CELF3: variants seen among roughly 807,000 people sequenced by gnomAD.
The protein encoded by CELF3 is CUGBP Elav-like family member 3, also known as CAG repeat domain.
Under a neutral mutation model 59.6 loss-of-function variants are expected in CELF3, and 26 were observed. The ratio of observed to expected loss-of-function variants is 0.44; its 90% CI spans 0.32 to 0.61. CELF3 has a LOEUF of 0.61. Among genes scored for constraint, CELF3 ranks in the 20% least tolerant of loss-of-function variants. CELF3 has a pLI of 0.06. For missense variants in CELF3, 387 were observed against 627.2 expected (o/e 0.62, Z 4.09); for synonymous variants, 245 against 250.7 (o/e 0.98, Z 0.22).
At position 151,707,491 on chromosome 1, in the gene CELF3, C is replaced by T. The variant is rs1468232670; in HGVS notation, c.772+16G>A. On this transcript the variant is annotated intron_variant, in intron 7 of 12. Transcript: ENST00000290583. ...ACCATGCTTAGCTCCCTTGCCCGGC[C>T]TTGCCCAGGCCATACCTGAGGATGG... 6.2e-7 allele frequency: 1 copy of T among 1,610,184 alleles called. No individual in the cohort carries two copies. The highest frequency in any genetic ancestry group is 8.5e-7 in the Non-Finnish European group (1 of 1,179,146).
chr1:151,703,095 C>T lies in CELF3; in HGVS notation c.*364G>A, dbSNP rs998315223. On this transcript the variant is annotated 3_prime_UTR_variant, in exon 13 of 13. Coordinates refer to ENST00000290583, the MANE Select transcript of CELF3 (RefSeq NM_007185.7). ...CCCTGCGGCTCTCCTGGGGCCTGCACGGGTAGAACAGGCCCACTGTTGGGG... is the reference window on the plus strand; with the variant it reads ...CCCTGCGGCTCTCCTGGGGCCTGCATGGGTAGAACAGGCCCACTGTTGGGG... 1.5e-5 allele frequency: 7 copies of T among 452,192 alleles called. No homozygotes were observed. The highest frequency in any genetic ancestry group is 2.4e-5 in the Admixed American group (1 of 42,298). The allele number at this position is 452,192 out of a possible 1,614,324, so 28.0% of individuals were successfully genotyped here.
Position 151,705,353 on chromosome 1 carries a change from C to T in CELF3, c.1271-185G>A, listed in dbSNP as rs1477863004. On this transcript the variant is annotated intron_variant, in intron 11 of 12. Coordinates refer to ENST00000290583, the MANE Select transcript of CELF3 (RefSeq NM_007185.7). The surrounding 1 kb of genome is among the most constrained non-coding windows in gnomAD (Gnocchi z 5.1). Reference sequence around the variant, plus strand: ...AATGGATGAATCCAGTCCAGCCACTCCAACTACCACATTCTTCCCAGCATT... The same window carrying T: ...AATGGATGAATCCAGTCCAGCCACTTCAACTACCACATTCTTCCCAGCATT... Among the ~76,000 whole-genome samples, 6 of 152,230 alleles carry T rather than the reference C, an allele frequency of 3.9e-5. No homozygotes were observed. The East Asian group carries it at 1.2e-3, about 29-fold the overall frequency.
At chr1:151,703,757 A>G (rs904050662) in intron 12 of CELF3, among the ~76,000 whole-genome samples, 2 of 151,958 alleles carry the variant, frequency 1.3e-5, no homozygotes, top group Non-Finnish European at 2.9e-5. Context: ...ATGACAACAG[A>G]CAGGCAGGCA....
intron 12 of CELF3, 130 bp downstream of exon 12, chr1:151,704,901 C>A: frequency 1.0e-6 from 1 of 999,584 alleles, no homozygotes; most frequent in Admixed American, 2.4e-5. Context: ...GCTTCAAGTG[C>A]CCAGGGTCAA....
rs1672852875 is a variant in CELF3, at chr1:151,709,657, C to T, written c.277+86G>A. The T allele has an allele frequency of 7.4e-7, 1 of 1,350,976 alleles. No individual in the cohort carries two copies. Among genetic ancestry groups the T allele is most frequent in the South Asian group, 1.2e-5 (1 of 85,778 alleles). 83.7% of individuals were successfully genotyped at this position (1,350,976 alleles called of 1,614,324 possible). ...TCTTCAGAATCATCAGGCTTTCTCC[C>T]TCAAGAAAGGCTACCCCTCGACAAC... is the stretch of plus-strand genomic sequence containing the variant. On this transcript the variant is annotated intron_variant, in intron 3 of 12. Transcript: ENST00000290583. The surrounding 1 kb of genome is among the most constrained non-coding windows in gnomAD (Gnocchi z 4.9).
rs1485889398 is a variant in CELF3 at position 151,714,576 on chromosome 1, G to A, written c.228+18C>T. The A allele has an allele frequency of 1.9e-6, 3 of 1,547,662 alleles. No homozygotes were observed. The highest frequency in any genetic ancestry group is 2.6e-6 in the Non-Finnish European group (3 of 1,143,046). On this transcript the variant is annotated intron_variant, in intron 2 of 12. Coordinates refer to ENST00000290583, the MANE Select transcript of CELF3 (RefSeq NM_007185.7). ...TGGCCCTTCTCAGTCCCCTGGCCCT[G>A]CAAAGGGCAGGACTCACCCCTGGAA...
chr1:151,715,529 C>A (rs971875630), intron 1 of CELF3: 1 of 1,009,970 alleles, frequency 9.9e-7, no homozygotes, highest in East Asian at 5.3e-5. Context: ...CACGCACACA[C>A]ACACACACCC....
At position 151,700,818 on chromosome 1, in the gene CELF3, T is replaced by C. The variant is rs1385935181; in HGVS notation, c.*2641A>G. Among the ~76,000 whole-genome samples the C allele has an allele frequency of 1.3e-5, 2 of 152,252 alleles. No homozygotes were observed. Among genetic ancestry groups the C allele is most frequent in the African/African-American group, 4.8e-5 (2 of 41,464 alleles). ...TATGTGACTAGAAAATAGAAATATATGAGTCAGGACTTTATGGGAGAAAGT... is the reference window on the plus strand; with the variant it reads ...TATGTGACTAGAAAATAGAAATATACGAGTCAGGACTTTATGGGAGAAAGT... On this transcript the variant is annotated 3_prime_UTR_variant, in exon 13 of 13. Coordinates refer to ENST00000290583, the MANE Select transcript of CELF3 (RefSeq NM_007185.7).
In CELF3 at chr1:151,709,251, A is replaced by G; in HGVS notation, c.375T>C (p.Thr125=). ...TGGTGCCATCTGGCCCCCGGAGCAC[A>G]GTGCACTCGTCGATGGTCCCGAAGG... The part of the protein sequence containing the change: ...FEPFGTIDEC[T]VLRGPDGTSK... The change falls in exon 4 of 13, where the codon ACT becomes ACC. Residue 125 remains threonine, a synonymous_variant. Coordinates refer to ENST00000290583, the MANE Select transcript of CELF3 (RefSeq NM_007185.7). This position sits in a 1 kb window ranked among gnomAD's most constrained non-coding sequence, Gnocchi z 4.9. 1 of 1,614,028 alleles carries G rather than the reference A, an allele frequency of 6.2e-7. No homozygotes were observed. The highest frequency in any genetic ancestry group is 8.5e-7 in the Non-Finnish European group (1 of 1,179,952).
rs747941563 is a variant in CELF3, at chr1:151,707,830, C to T, written c.592G>A (p.Ala198Thr). ...GCGCTGTAGGCTCCAAACTGGAGGG[C>T]GATGGGGCTGAACATGCCCAACTGG... ...ATQLGMFSPIALQFGAYSAYT... is the reference protein window; with the variant it reads ...ATQLGMFSPITLQFGAYSAYT... The change falls in exon 6 of 13, where the codon GCC becomes ACC. Residue 198 changes from alanine to threonine, a missense_variant. Transcript: ENST00000290583. 17 of 1,613,706 alleles carry T rather than the reference C, an allele frequency of 1.1e-5. No homozygotes were observed. Among genetic ancestry groups the T allele is most frequent in the Admixed American group, 1.7e-5 (1 of 59,970 alleles).
At chr1:151,703,471 G>GA (rs981659035) in intron 12 of CELF3, 23 bp from the exon 13 acceptor site, 1 of 334,698 alleles carries the variant, frequency 3.0e-6, no homozygotes, top group African/African-American at 2.2e-5. Context: ...AAACATGGGT[G>GA]AAGCATGGGG....
Position 151,709,186 on chromosome 1 carries a change from G to A in CELF3, c.406+34C>T, listed in dbSNP as rs376069256. 1 of 1,610,768 alleles carries A rather than the reference G, an allele frequency of 6.2e-7. No homozygotes were observed. The highest frequency in any genetic ancestry group is 1.3e-5 in the African/African-American group (1 of 74,868). On this transcript the variant is annotated intron_variant, in intron 4 of 12. Coordinates refer to ENST00000290583, the MANE Select transcript of CELF3 (RefSeq NM_007185.7). The surrounding 1 kb of genome is among the most constrained non-coding windows in gnomAD (Gnocchi z 4.9). ...TTGGGGGTGGAACAGGAAGGGGAAGGGCCCGGTGGGGAAGGGGGAAGTGGG... is the reference window on the plus strand; with the variant it reads ...TTGGGGGTGGAACAGGAAGGGGAAGAGCCCGGTGGGGAAGGGGGAAGTGGG...
intron 10 of CELF3, 115 bp from the exon 11 acceptor site, chr1:151,706,080 C>T: frequency 8.2e-6 from 13 of 1,589,252 alleles, no homozygotes; most frequent in Non-Finnish European, 1.0e-5. Flanking sequence ...CAGTCCTTGA[C>T]AGTGTGGGCC....
chr1:151,708,118 T>G, intron 5 of CELF3, 183 bp from the exon 6 acceptor site: 1 of 600,140 alleles, frequency 1.7e-6, no homozygotes, highest in Admixed American at 3.3e-5. Flanking sequence ...TGCTAGGATG[T>G]GCAAGAGGCT....
At chr1:151,712,533 G>C (rs559395352) in intron 2 of CELF3, among the ~76,000 whole-genome samples, 10 of 152,326 alleles carry the variant, frequency 6.6e-5, no homozygotes, top group African/African-American at 2.4e-4. Context: ...TTTTGGTTCA[G>C]GGTGAAGGGG....
chr1:151,704,716 A>G (rs1672364116), intron 12 of CELF3, among the ~76,000 whole-genome samples: 1 of 152,196 alleles, frequency 6.6e-6, no homozygotes. Context: ...ACAGACATGG[A>G]CACTGACCAG....
At chr1:151,715,294 A>C (rs1673385113) in intron 1 of CELF3, among the ~76,000 whole-genome samples, 1 of 151,534 alleles carries the variant, frequency 6.6e-6, no homozygotes, top group Non-Finnish European at 1.5e-5. Flanking sequence ...AGGCCTGAGG[A>C]GCACCCTCCC....
rs751985480 is a variant in CELF3, at chr1:151,715,889, G to A, written c.132C>T (p.Thr44=). ...CCGACCCCTCACCCTTGTGCAGCCC[G>A]GTGTACTTGTCCTTGATGACAGTCA... The part of the protein sequence containing the change: ...FELTVIKDKY[T]GLHKGCAFLT... The change falls in exon 1 of 13, where the codon ACC becomes ACT. Residue 44 remains threonine (T), a synonymous_variant. Transcript: ENST00000290583. The A allele has an allele frequency of 9.9e-6, 16 of 1,611,478 alleles. No homozygotes were observed. Among genetic ancestry groups the A allele is most frequent in the Non-Finnish European group, 1.3e-5 (15 of 1,178,546 alleles).
intron 5 of CELF3, 132 bp from the exon 6 acceptor site, chr1:151,708,067 C>G (rs1036187710): frequency 1.0e-5 from 10 of 959,032 alleles, no homozygotes; most frequent in Non-Finnish European, 1.5e-6. Flanking sequence ...CACCATTTTG[C>G]GTATGAAAGA....
Sources: gnomAD v4.1 joint callset for allele counts (sites outside exome capture counted in the v4.1 genomes callset) on GRCh38, gnomAD v4.1.1 for gene constraint, Gnocchi (gnomAD v3.1) non-coding constraint, MANE v1.5 for transcripts, NCBI Gene and HGNC (gene_info 2026-07-23, HGNC 2026-07-21) for gene names.